Variants in APBA1 observed in about 807,000 individuals in gnomAD.
APBA1 encodes the protein amyloid-beta A4 precursor protein-binding family A member 1.
In APBA1, 55 loss-of-function variants were observed where a neutral mutation model predicts 86.6. The ratio of observed to expected loss-of-function variants is 0.64; its 90% CI spans 0.51 to 0.80. APBA1 has a LOEUF of 0.80. Among genes scored for constraint, APBA1 ranks in the 30% least tolerant of loss-of-function variants. APBA1 has a pLI of 0.00. For missense variants in APBA1, 1,090 were observed against 1,183.0 expected (o/e 0.92, Z 1.15); for synonymous variants, 511 against 493.9 (o/e 1.03, Z -0.46).
intron 11 of APBA1, among the ~76,000 whole-genome samples, chr9:69,435,468 C>A (rs1834692143): frequency 6.6e-6 from 1 of 152,048 alleles, no homozygotes; most frequent in African/African-American, 2.4e-5. Flanking sequence ...TGTTTCCTGA[C>A]TTTTTAATGA....
chr9:69,473,324 C>A (rs957255167), intron 3 of APBA1, among the ~76,000 whole-genome samples: 1 of 152,174 alleles, frequency 6.6e-6, no homozygotes, highest in African/African-American at 2.4e-5. Context: ...CTCATAACTT[C>A]ATGGTATGCA....
chr9:69,516,369 A>ATT lies in APBA1; in HGVS notation c.841_842insAA (p.Met281LysfsTer2), dbSNP rs779621490. The ATT allele has an allele frequency of 6.2e-7, 1 of 1,601,660 alleles. No individual in the cohort carries two copies. Among genetic ancestry groups the ATT allele is most frequent in the African/African-American group, 1.3e-5 (1 of 74,714 alleles). On this transcript the variant is annotated frameshift_variant, in exon 2 of 13. Coordinates refer to ENST00000265381, the MANE Select transcript of APBA1 (RefSeq NM_001163.4). LOFTEE classifies it high-confidence loss of function. This position sits in a 1 kb window ranked among gnomAD's most constrained non-coding sequence, Gnocchi z 7.3. The stretch of plus-strand genomic sequence containing the variant: ...TGCCTTGTCGAGGCTCTGCGAGCTC[A>ATT]TGCTCTGCTTCACCTCGGCCACTAT...
At chr9:69,437,383 T>C (rs201076571) in intron 11 of APBA1, among the ~76,000 whole-genome samples, 28,809 of 144,808 alleles carry the variant, frequency 0.2, 3,153 homozygotes, top group South Asian at 0.3. Flanking sequence ...TCTGGTAGAA[T>C]TCGGCTGTGA....
rs190062054 is a variant in APBA1 at position 69,584,176 on chromosome 9, T to C, written c.-69-66897A>G. On this transcript the variant is annotated intron_variant, in intron 1 of 12. Transcript: ENST00000265381. ...TATTGATTAATCCCAAATAAAAATA[T>C]AATGAGATAGATATGTATGTTTCCA... is the stretch of plus-strand genomic sequence containing the variant. Among the ~76,000 whole-genome samples the C allele has an allele frequency of 2.1e-3, 317 of 152,308 alleles. 2 individuals are homozygous for C. Among genetic ancestry groups the C allele is most frequent in the Non-Finnish European group, 2.7e-3 (181 of 68,022 alleles).
At chr9:69,455,775 T>G (rs773029898) in intron 8 of APBA1, among the ~76,000 whole-genome samples, 1 of 152,114 alleles carries the variant, frequency 6.6e-6, no homozygotes, top group Non-Finnish European at 1.5e-5. Context: ...TTCTTCCTAC[T>G]CTTCACCTCA....
intron 2 of APBA1, among the ~76,000 whole-genome samples, chr9:69,492,250 T>A (rs1835725749): frequency 6.6e-6 from 1 of 152,042 alleles, no homozygotes; most frequent in South Asian, 2.1e-4. Context: ...GGGAAACAGC[T>A]AGCACCCACC....
chr9:69,452,118 C>T lies in APBA1; in HGVS notation c.1968+4G>A, dbSNP rs1835019976. ...CTGGAGAACAGCTTCAGGTAAGTAC[C>T]CACATCTTTACAGTTTTCCGACTTG... On this transcript the variant is annotated splice_donor_region_variant and intron_variant, in intron 9 of 12. Coordinates refer to ENST00000265381, the MANE Select transcript of APBA1 (RefSeq NM_001163.4). The T allele has an allele frequency of 3.7e-6, 6 of 1,613,548 alleles. No homozygotes were observed. The highest frequency in any genetic ancestry group is 5.1e-6 in the Non-Finnish European group (6 of 1,179,762).
At chr9:69,525,157 T>A (rs1254189261) in intron 1 of APBA1, among the ~76,000 whole-genome samples, 1 of 152,100 alleles carries the variant, frequency 6.6e-6, no homozygotes, top group East Asian at 1.9e-4. Context: ...AAGCATTACC[T>A]TTGAGAACTG....
Position 69,458,150 on chromosome 9 carries a change from C to A in APBA1, c.1515+6G>T. On this transcript the variant is annotated splice_donor_region_variant and intron_variant, in intron 6 of 12. Transcript: ENST00000265381. ...CACCAAGCTGATGAAGTTGTTTGTACTGCACCTTCTTCCTGCTTTTGGCTA... is the reference window on the plus strand; with the variant it reads ...CACCAAGCTGATGAAGTTGTTTGTAATGCACCTTCTTCCTGCTTTTGGCTA... 1 of 1,611,648 alleles carries A rather than the reference C, an allele frequency of 6.2e-7. No individual in the cohort carries two copies. Among genetic ancestry groups the A allele is most frequent in the Non-Finnish European group, 8.5e-7 (1 of 1,179,324 alleles).
At chr9:69,549,719 AAAT>A (rs1346870761) in intron 1 of APBA1, among the ~76,000 whole-genome samples, 1 of 152,234 alleles carries the variant, frequency 6.6e-6, no homozygotes, top group East Asian at 1.9e-4. Flanking sequence ...GAAGAAGAAA[AAAT>A]AAAAGTAGGG....
chr9:69,589,433 G>T (rs1822084969), intron 1 of APBA1, among the ~76,000 whole-genome samples: 1 of 152,126 alleles, frequency 6.6e-6, no homozygotes, highest in Admixed American at 6.6e-5. Context: ...ATGTAACAAG[G>T]GGTTTCTGAC....
chr9:69,455,341 T>G (rs1430541800), intron 8 of APBA1, among the ~76,000 whole-genome samples: 1 of 152,004 alleles, frequency 6.6e-6, no homozygotes, highest in East Asian at 1.9e-4. Context: ...TATAGGGCTG[T>G]GGCCTCCCCT....
At chr9:69,643,610 G>T (rs1823334213) in intron 1 of APBA1, among the ~76,000 whole-genome samples, 1 of 152,050 alleles carries the variant, frequency 6.6e-6, no homozygotes, top group African/African-American at 2.4e-5. Context: ...GCCAAACACG[G>T]CCCATGCAGC....
intron 5 of APBA1, chr9:69,462,303 G>A (rs1424860766): frequency 1.3e-5 from 2 of 152,302 alleles, no homozygotes; most frequent in Non-Finnish European, 2.9e-5. Flanking sequence ...GGAAGGCAAG[G>A]TGGAGATGCA....
intron 11 of APBA1, among the ~76,000 whole-genome samples, chr9:69,433,561 G>A (rs2991695): frequency 0.2 from 29,943 of 152,000 alleles, 3,112 homozygotes; most frequent in South Asian, 0.3. Context: ...CTCCTTGTTC[G>A]TATCTGAACT....
At chr9:69,604,366 G>T (rs1323674760) in intron 1 of APBA1, among the ~76,000 whole-genome samples, 1 of 147,210 alleles carries the variant, frequency 6.8e-6, no homozygotes, top group Non-Finnish European at 1.5e-5. Context: ...GCACATGAGT[G>T]TGGGCACACA....
At chr9:69,638,652 A>G (rs1214400626) in intron 1 of APBA1, among the ~76,000 whole-genome samples, 4 of 152,224 alleles carry the variant, frequency 2.6e-5, no homozygotes, top group Admixed American at 2.6e-4. Context: ...TAAATAGTTT[A>G]AAGAACCACT....
intron 1 of APBA1, among the ~76,000 whole-genome samples, chr9:69,662,200 G>A (rs1351449327): frequency 6.6e-6 from 1 of 152,112 alleles, no homozygotes; most frequent in Non-Finnish European, 1.5e-5. Flanking sequence ...TAGACCTGAG[G>A]CAAATCCCCT....
chr9:69,485,973 C>T (rs1490665541), intron 2 of APBA1, among the ~76,000 whole-genome samples: 1 of 151,174 alleles, frequency 6.6e-6, no homozygotes, highest in African/African-American at 2.4e-5. Context: ...TTTTTTGAGA[C>T]AGAGTTTCAC....
Sources: gnomAD v4.1 joint callset for allele counts (sites outside exome capture counted in the v4.1 genomes callset) on GRCh38, gnomAD v4.1.1 for gene constraint, Gnocchi (gnomAD v3.1) non-coding constraint, MANE v1.5 for transcripts, NCBI Gene and HGNC (gene_info 2026-07-23, HGNC 2026-07-21) for gene names.